ZAN: variants seen among roughly 807,000 people sequenced by gnomAD.
ZAN encodes zonadhesin (gene/pseudogene).
ZAN carries 260 observed loss-of-function variants against 286.2 expected under a neutral mutation model. That is an observed-to-expected ratio of 0.91 (90% CI 0.82 to 1.01). The LOEUF (loss-of-function observed/expected upper bound fraction) is 1.01. Among genes scored for constraint, ZAN ranks in the 50% least tolerant of loss-of-function variants. ZAN has a pLI of 0.00. For missense variants in ZAN, 3,410 were observed against 3,639.2 expected, an observed-to-expected ratio of 0.94 and a Z score of 1.62; for synonymous variants, 1,368 against 1,417.5, an observed-to-expected ratio of 0.97 and a Z score of 0.79.
At chr7:100,771,770 GC>G in intron 28 of ZAN, 73 bp from the exon 29 acceptor site, 2 of 1,481,082 alleles carry the variant, frequency 1.4e-6, no homozygotes, top group Middle Eastern at 1.8e-4. Context: ...TGTCGAATCA[GC>G]CCCAGGGAAG....
intron 18 of ZAN, among the ~76,000 whole-genome samples, chr7:100,760,163 G>A (rs975938358): frequency 6.6e-6 from 1 of 152,100 alleles, no homozygotes; most frequent in Admixed American, 6.6e-5. Context: ...GCAGTGAGCT[G>A]TGATTGCACC....
In ZAN at chr7:100,763,874, C is replaced by A; in HGVS notation, c.4055C>A (p.Pro1352Gln). The change falls in exon 21 of 48, where the codon CCA (proline) becomes CAA (glutamine). Residue 1352 changes from proline to glutamine, a missense_variant. Coordinates refer to ENST00000613979, the MANE Select transcript of ZAN (RefSeq NM_003386.3). The surrounding 1 kb of genome is among the most constrained non-coding windows in gnomAD (Gnocchi z 4.6). The part of the protein sequence containing the change: ...DSSLQSSMSG[P>Q]GFCGRLVDTH... ...TCTCTGCAGAGCAGCATGTCGGGGC[C>A]AGGGTTCTGTGGACGGCTGGTCGAC... is the stretch of plus-strand genomic sequence containing the variant. 1.2e-6 allele frequency: 2 copies of A among 1,614,032 alleles called. No homozygotes were observed. Among genetic ancestry groups the A allele is most frequent in the Non-Finnish European group, 1.7e-6 (2 of 1,179,886 alleles).
At chr7:100,739,060 G>A (rs1208484191) in intron 7 of ZAN, among the ~76,000 whole-genome samples, 2 of 123,308 alleles carry the variant, frequency 1.6e-5, no homozygotes, top group Non-Finnish European at 3.5e-5. Flanking sequence ...CACCCAGTCT[G>A]GAGTGCAGTG....
Position 100,737,074 on chromosome 7 carries a change from C to T in ZAN, c.519C>T (p.Pro173=), listed in dbSNP as rs781595499. 2.0e-6 allele frequency: 3 copies of T among 1,493,306 alleles called. 1 individual carries two copies. Among genetic ancestry groups the T allele is most frequent in the African/African-American group, 1.4e-5 (1 of 70,462 alleles). The allele number at this position is 1,493,306 out of a possible 1,614,324, so 92.5% of individuals were successfully genotyped here. A position where few individuals can be genotyped will look rare whatever the true frequency, so the allele number is the denominator to read the frequency against. ...TVTVPAGFTL[P]TRLMFEGTRG... ...CTGTGCCCGCAGGGTTCACCCTGCC[C>T]ACCCGGGTAAGGCCGGGGACAAATT... is the stretch of plus-strand genomic sequence containing the variant. Residue 173 remains proline (P), a synonymous_variant, in exon 5 of 48, where the codon CCC becomes CCT. Coordinates refer to ENST00000613979, the MANE Select transcript of ZAN (RefSeq NM_003386.3).
intron 35 of ZAN, among the ~76,000 whole-genome samples, chr7:100,781,535 C>T (rs983301287): frequency 6.6e-5 from 10 of 151,324 alleles, no homozygotes; most frequent in South Asian, 4.2e-4. Flanking sequence ...AGAAGGGGGC[C>T]GCTGCTCAGC....
At chr7:100,745,500 G>A (rs1808142919) in intron 7 of ZAN, among the ~76,000 whole-genome samples, 1 of 151,696 alleles carries the variant, frequency 6.6e-6, no homozygotes, top group African/African-American at 2.4e-5. Flanking sequence ...GGTGGTGTTG[G>A]GTGAGAGGGG....
Position 100,767,813 on chromosome 7 carries a change from T to C in ZAN, c.4861-18T>C. 8 of 1,605,064 alleles carry C rather than the reference T, an allele frequency of 5.0e-6. No homozygotes were observed. Among genetic ancestry groups the C allele is most frequent in the Non-Finnish European group, 6.0e-6 (7 of 1,175,142 alleles). ...TTCTTTCCTGACTCTCCTTTCTACG[T>C]CCTCCCTGCCTCTGCAGCTGAATGG... On this transcript the variant is annotated intron_variant, in intron 25 of 47. Transcript: ENST00000613979.
rs780141007 is a variant in ZAN, at chr7:100,735,127, T to C, written c.54-593T>C. Among the ~76,000 whole-genome samples the C allele has an allele frequency of 8.7e-5, 12 of 137,302 alleles. No individual in the cohort carries two copies. The South Asian group carries it at 2.5e-3, about 29-fold the overall frequency. The allele number at this position is 137,302 out of a possible 152,430, so 90.1% of individuals were successfully genotyped here. On this transcript the variant is annotated intron_variant, in intron 2 of 47. Transcript: ENST00000613979. ...TGAACCCGGGAGGCGGAGACTGCAG[T>C]GAGCGGAAATTGCACCATTGCACTC...
At chr7:100,751,132 G>T in intron 12 of ZAN, 50 bp from the exon 13 acceptor site, 1 of 1,471,016 alleles carries the variant, frequency 6.8e-7, no homozygotes, top group Non-Finnish European at 9.2e-7. Context: ...CAGAGTTGCT[G>T]GAGATTCATT....
In ZAN at chr7:100,740,286, CTTAT is replaced by C. The variant is rs1416881215; in HGVS notation, c.766+1680_766+1683del. ...GATTTTGAGCAGTGACTTGATCTGA[CTTAT>C]TTATTTTTTTTTTTTTAATTTATTT... On this transcript the variant is annotated intron_variant, in intron 7 of 47. Coordinates refer to ENST00000613979, the MANE Select transcript of ZAN (RefSeq NM_003386.3). Among the ~76,000 whole-genome samples, 12 of 121,310 alleles carry C rather than the reference CTTAT, an allele frequency of 9.9e-5. 2 individuals carry two copies. Among genetic ancestry groups the C allele is most frequent in the Admixed American group, 5.5e-4 (7 of 12,636 alleles). 79.6% of individuals were successfully genotyped at this position (121,310 alleles called of 152,430 possible). A position where few individuals can be genotyped will look rare whatever the true frequency, so the allele number is the denominator to read the frequency against.
Position 100,763,745 on chromosome 7 carries a change from G to A in ZAN, c.3987-61G>A. On this transcript the variant is annotated intron_variant, in intron 20 of 47. Transcript: ENST00000613979. The surrounding 1 kb of genome is among the most constrained non-coding windows in gnomAD (Gnocchi z 4.6). ...GGCCTGCCAGCCTTGCTGCCTGCTGGGTTAGGGATGAGCTGGAAGCGAGCT... is the reference window on the plus strand; with the variant it reads ...GGCCTGCCAGCCTTGCTGCCTGCTGAGTTAGGGATGAGCTGGAAGCGAGCT... The A allele has an allele frequency of 1.3e-6, 2 of 1,547,422 alleles. No homozygotes were observed. The highest frequency in any genetic ancestry group is 8.9e-7 in the Non-Finnish European group (1 of 1,121,248).
In ZAN at chr7:100,779,666, C is replaced by T. The variant is rs368183208; in HGVS notation, c.6538C>T (p.Leu2180Phe). Residue 2180 changes from leucine (L) to phenylalanine (F), a missense_variant, in exon 35 of 48, where the codon CTC (leucine) becomes TTC (phenylalanine). This residue lies in a region of ZAN where 1,289 missense variants were observed against 1,314.3 expected (regional missense o/e 0.98). Coordinates refer to ENST00000613979, the MANE Select transcript of ZAN (RefSeq NM_003386.3). ...LCEFGGLYQA[L>F]CQALQAFGAT... ...TGAGTTCGGAGGTCTCTACCAGGCC[C>T]TCTGCCAGGCTCTGCAAGCCTTCGG... The T allele has an allele frequency of 1.3e-3, 2,063 of 1,570,476 alleles. 6 individuals are homozygous for T. The highest frequency in any genetic ancestry group is 9.0e-3 in the Middle Eastern group (54 of 5,990).
At chr7:100,793,263 C>A (rs920185555) in intron 42 of ZAN, among the ~76,000 whole-genome samples, 5 of 149,040 alleles carry the variant, frequency 3.4e-5, no homozygotes, top group African/African-American at 9.9e-5. Context: ...CATTGGAACC[C>A]AGGAGTTGGA....
Position 100,759,835 on chromosome 7 carries a change from G to T in ZAN, c.3686G>T (p.Arg1229Ile). The T allele has an allele frequency of 6.2e-7, 1 of 1,612,730 alleles. No homozygotes were observed. The highest frequency in any genetic ancestry group is 1.3e-5 in the African/African-American group (1 of 74,980). ...AGCACCGTCACCCTGCTTAAGGGCA[G>T]ACGCACTCTGGTGAGCCCCATTCCA... Reference protein sequence around the residue: ...PESTVTLLKGRRTLVGGQQVT... With the variant: ...PESTVTLLKGIRTLVGGQQVT... Residue 1229 changes from arginine (R) to isoleucine (I), a missense_variant, in exon 18 of 48, where the codon AGA becomes ATA. Transcript: ENST00000613979.
In ZAN at chr7:100,746,721, T is replaced by C; in HGVS notation, c.931+19T>C. 1 of 1,613,536 alleles carries C rather than the reference T, an allele frequency of 6.2e-7. No individual in the cohort carries two copies. Among genetic ancestry groups the C allele is most frequent in the Non-Finnish European group, 8.5e-7 (1 of 1,179,648 alleles). On this transcript the variant is annotated intron_variant, in intron 8 of 47. Coordinates refer to ENST00000613979, the MANE Select transcript of ZAN (RefSeq NM_003386.3). ...GTCTTGGGTTAGAGCGGAGAATTAA[T>C]GGGATTTACACTGATCTGGGCGCAT...
Position 100,756,289 on chromosome 7 carries a change from C to T in ZAN, c.3309+879C>T, listed in dbSNP as rs766988020. ...ATTAAAAGTGCATTAAAGGGCCCAG[C>T]GTGGTGACTCACAGCTGTAATCCCA... On this transcript the variant is annotated intron_variant, in intron 15 of 47. Coordinates refer to ENST00000613979, the MANE Select transcript of ZAN (RefSeq NM_003386.3). Among the ~76,000 whole-genome samples, 117 of 152,020 alleles carry T rather than the reference C, an allele frequency of 7.7e-4. 1 individual carries two copies. The highest frequency in any genetic ancestry group is 2.7e-3 in the Admixed American group (41 of 15,238).
At chr7:100,793,692 C>A in intron 42 of ZAN, 128 bp from the exon 43 acceptor site, 1 of 980,316 alleles carries the variant, frequency 1.0e-6, no homozygotes, top group South Asian at 1.7e-5. Flanking sequence ...CCTGCCTCAT[C>A]CTCCCAAAGT....
intron 37 of ZAN, 28 bp from the exon 38 acceptor site, chr7:100,787,861 C>A: frequency 6.8e-7 from 1 of 1,464,990 alleles, no homozygotes. Flanking sequence ...TGCGCCCGGC[C>A]CCTTCTCACT....
chr7:100,743,732 C>T (rs920309091), intron 7 of ZAN, among the ~76,000 whole-genome samples: 4 of 151,250 alleles, frequency 2.6e-5, no homozygotes, highest in African/African-American at 9.8e-5. Flanking sequence ...CAAAAATTAG[C>T]CCAGTGTGGT....
Sources: allele counts gnomAD v4.1 joint callset (sites outside exome capture counted in the v4.1 genomes callset), GRCh38; gene constraint gnomAD v4.1.1; regional missense constraint gnomAD v4.1.1; non-coding constraint Gnocchi (gnomAD v3.1); transcripts MANE v1.5; gene names NCBI Gene and HGNC (gene_info 2026-07-23, HGNC 2026-07-21).